The following ETFB variants were observed in gnomAD, a reference collection of about 807,000 sequenced individuals.
ETFB encodes beta-ETF.
Under a neutral mutation model 25.6 loss-of-function variants are expected in ETFB, and 20 were observed. That is an observed-to-expected ratio of 0.78 (90% CI 0.55 to 1.14). ETFB has a LOEUF of 1.14. Among genes scored for constraint, ETFB ranks in the 50% most tolerant of loss-of-function variants. The pLI is 0.00. For missense variants in ETFB, 286 were observed against 342.6 expected (o/e 0.83, Z 1.30); for synonymous variants, 142 against 146.7 (o/e 0.97, Z 0.23).
Position 51,345,191 on chromosome 19 carries a change from T to C in ETFB, c.*20A>G, listed in dbSNP as rs752716079. 4 of 1,613,002 alleles carry C rather than the reference T, an allele frequency of 2.5e-6. No individual in the cohort carries two copies. Among genetic ancestry groups the C allele is most frequent in the African/African-American group, 1.3e-5 (1 of 74,914 alleles). On this transcript the variant is annotated 3_prime_UTR_variant, in exon 6 of 6. Coordinates refer to ENST00000309244, the MANE Select transcript of ETFB (RefSeq NM_001985.3). ...AGATAGATGTTGAGAGTCAGTTTTATTGCCATCTCTGGGAGGGGCTCAAAT... is the reference window on the plus strand; with the variant it reads ...AGATAGATGTTGAGAGTCAGTTTTACTGCCATCTCTGGGAGGGGCTCAAAT...
chr19:51,360,930 C>T (rs547442440), intron 1 of ETFB, among the ~76,000 whole-genome samples: 11 of 152,018 alleles, frequency 7.2e-5, no homozygotes, highest in South Asian at 6.2e-4. Flanking sequence ...GGACTACAGG[C>T]GCCTGCCACC....
intron 1 of ETFB, chr19:51,354,555 T>G: frequency 6.2e-7 from 1 of 1,614,226 alleles, no homozygotes; most frequent in Non-Finnish European, 8.5e-7. Context: ...TGATCATCCC[T>G]ACTGTTGTCA....
chr19:51,352,961 G>C (rs1433223713), intron 3 of ETFB, among the ~76,000 whole-genome samples, 171 bp downstream of exon 3: 1 of 152,128 alleles, frequency 6.6e-6, no homozygotes, highest in African/African-American at 2.4e-5. Flanking sequence ...GAGGGACTCT[G>C]TCCTCCCTGC....
intron 1 of ETFB, chr19:51,354,924 G>A (rs561068299): frequency 3.4e-5 from 14 of 410,390 alleles, no homozygotes; most frequent in African/African-American, 2.8e-4. Context: ...CTTGCACGGG[G>A]AGGGGCGGAG....
chr19:51,366,058 G>A (rs2123620392), intron 1 of ETFB, among the ~76,000 whole-genome samples: 1 of 152,336 alleles, frequency 6.6e-6, no homozygotes. Context: ...AGTGAATCCA[G>A]AACGAGGGAA....
intron 1 of ETFB, among the ~76,000 whole-genome samples, chr19:51,358,926 G>T (rs1205429871): frequency 6.6e-6 from 1 of 151,974 alleles, no homozygotes; most frequent in African/African-American, 2.4e-5. Flanking sequence ...CTGAGCCCAG[G>T]AGGTCAAGGG....
At chr19:51,345,829 GCGC>G (rs1985762642) in intron 5 of ETFB, 1 of 260,798 alleles carries the variant, frequency 3.8e-6, no homozygotes, top group Non-Finnish European at 7.4e-6. Context: ...CTGAGATGAT[GCGC>G]TGAACCCTCC....
intron 1 of ETFB, among the ~76,000 whole-genome samples, chr19:51,365,703 C>T (rs1327993793): frequency 6.6e-6 from 1 of 152,198 alleles, no homozygotes; most frequent in Admixed American, 6.5e-5. Context: ...GTCAGGTTGG[C>T]TCCTTGAACT....
rs767451791 is a variant in ETFB, at chr19:51,347,040, C to A, written c.457G>T (p.Val153Leu). 6.2e-7 allele frequency: 1 copy of A among 1,614,034 alleles called. No homozygotes were observed. The highest frequency in any genetic ancestry group is 8.5e-7 in the Non-Finnish European group (1 of 1,179,984). The change falls in exon 5 of 6, where the codon GTG (valine) becomes TTG (leucine). Residue 153 changes from valine (V) to leucine (L), a missense_variant. Transcript: ENST00000309244. ...TTCAACTTGTCCCCCTCCAGCGTCA[C>A]CTGGGAGGCGAATGTGCCCTGGGGA... ...DWPQGTFASQ[V>L]TLEGDKLKVE...
chr19:51,361,084 C>T (rs115952909), intron 1 of ETFB, among the ~76,000 whole-genome samples: 3,261 of 152,226 alleles, frequency 0.021, 111 homozygotes, highest in African/African-American at 0.074. Flanking sequence ...CGCGCCCGGC[C>T]CACGCCTGGC....
At chr19:51,354,362 G>A (rs1252001935) in intron 1 of ETFB, 54 bp from the exon 2 acceptor site, 1 of 1,614,036 alleles carries the variant, frequency 6.2e-7, no homozygotes, top group African/African-American at 1.3e-5. Flanking sequence ...CAAGAAGGTG[G>A]GGGCCTCAGC....
At chr19:51,354,453 G>A (rs1431758356) in intron 1 of ETFB, 145 bp from the exon 2 acceptor site, 3 of 1,613,830 alleles carry the variant, frequency 1.9e-6, no homozygotes, top group Non-Finnish European at 2.5e-6. Flanking sequence ...ACAGCTCCAG[G>A]GACAGAACTG....
At chr19:51,365,572 C>T (rs575176189) in intron 1 of ETFB, 2 of 154,868 alleles carry the variant, frequency 1.3e-5, no homozygotes, top group East Asian at 3.8e-4. Flanking sequence ...AGAAACGGGC[C>T]TGAGAGACCG....
chr19:51,358,191 G>A (rs1179109543), intron 1 of ETFB, among the ~76,000 whole-genome samples: 1 of 152,158 alleles, frequency 6.6e-6, no homozygotes, highest in Admixed American at 6.5e-5. Context: ...AGCAGATCTC[G>A]GGTGGCAGCT....
At chr19:51,360,923 C>T (rs577192584) in intron 1 of ETFB, among the ~76,000 whole-genome samples, 128 of 152,160 alleles carry the variant, frequency 8.4e-4, no homozygotes, top group Non-Finnish European at 1.5e-3. Context: ...GTAGCTGGGA[C>T]TACAGGCGCC....
intron 2 of ETFB, 41 bp downstream of exon 2, chr19:51,354,109 C>G (rs1986009293): frequency 6.2e-7 from 1 of 1,604,206 alleles, no homozygotes; most frequent in East Asian, 2.3e-5. Flanking sequence ...CCTCCTCCGT[C>G]AGACCCAGGA....
chr19:51,351,331 T>C (rs1313047820), intron 3 of ETFB, among the ~76,000 whole-genome samples: 1 of 152,140 alleles, frequency 6.6e-6, no homozygotes, highest in African/African-American at 2.4e-5. Context: ...GAAGACAAGG[T>C]AGAGGGGAGC....
chr19:51,359,869 T>C (rs1172258935), intron 1 of ETFB, among the ~76,000 whole-genome samples: 2 of 151,016 alleles, frequency 1.3e-5, no homozygotes, highest in Non-Finnish European at 3.0e-5. Flanking sequence ...AAAAACAAAA[T>C]TAGCAGGTCA....
In ETFB at chr19:51,345,657, C is replaced by T. The variant is rs966053592; in HGVS notation, c.598-276G>A. On this transcript the variant is annotated intron_variant, in intron 5 of 5. Transcript: ENST00000309244. ...TCACTGGCTGCAACAGAGTGGCAAA[C>T]CCATCCTTTTGGTAGTAATGACTCA... The T allele has an allele frequency of 1.2e-4, 62 of 512,046 alleles. 2 individuals carry two copies. Among genetic ancestry groups the T allele is most frequent in the Middle Eastern group, 1.1e-3 (2 of 1,810 alleles). The allele number at this position is 512,046 out of a possible 1,614,324, so 31.7% of individuals were successfully genotyped here. A position where few individuals can be genotyped will look rare whatever the true frequency, so the allele number is the denominator to read the frequency against.
Sources: allele counts gnomAD v4.1 joint callset (sites outside exome capture counted in the v4.1 genomes callset), GRCh38; gene constraint gnomAD v4.1.1; transcripts MANE v1.5; gene names NCBI Gene and HGNC (gene_info 2026-07-23, HGNC 2026-07-21).